RHEB: variants seen among roughly 807,000 people sequenced by gnomAD.
RHEB encodes the protein GTP-binding protein Rheb.
Under a neutral mutation model 28.8 loss-of-function variants are expected in RHEB, and 2 were observed. The ratio of observed to expected loss-of-function variants is 0.07; its 90% CI spans 0.03 to 0.22. The LOEUF (loss-of-function observed/expected upper bound fraction) is 0.22, where lower values mean the gene tolerates loss of function less well. RHEB is among the 10% of genes least tolerant of loss of function. RHEB has a pLI of 1.00. For synonymous variants in RHEB, 69 were observed against 77.3 expected, an observed-to-expected ratio of 0.89 and a Z score of 0.56; for missense variants, 76 against 219.9, an observed-to-expected ratio of 0.35 and a Z score of 4.14.
intron 6 of RHEB, 148 bp from the exon 7 acceptor site, chr7:151,470,800 G>T: frequency 1.7e-6 from 1 of 593,562 alleles, no homozygotes; most frequent in Non-Finnish European, 3.0e-6. Flanking sequence ...CATCAAGAAT[G>T]TAACACAGGA....
At position 151,490,934 on chromosome 7, in the gene RHEB, A is replaced by G. The variant is rs1203479593; in HGVS notation, c.124+9T>C. ...TCTCAGTTTTTAAGTACTTGAAAAC[A>G]ATACTTACTGTTTTCTATGGTTGGA... On this transcript the variant is annotated intron_variant, in intron 2 of 7. Coordinates refer to ENST00000262187, the MANE Select transcript of RHEB (RefSeq NM_005614.4). 3.7e-6 allele frequency: 6 copies of G among 1,602,852 alleles called. No individual in the cohort carries two copies. The African/African-American group carries it at 5.4e-5, about 14-fold the overall frequency.
intron 1 of RHEB, among the ~76,000 whole-genome samples, chr7:151,517,735 A>C (rs1214657260): frequency 2.0e-5 from 3 of 152,114 alleles, no homozygotes; most frequent in African/African-American, 7.2e-5. Flanking sequence ...TGCTCACCAA[A>C]GACTAGAGCT....
At position 151,491,017 on chromosome 7, in the gene RHEB, A is replaced by G. The variant is rs1230931196; in HGVS notation, c.53-3T>C. ...TTGAATCGTCAATGAGGATTTCCCT[A>G]TAAAAGAGAACAAGAGCTTAGTGTG... On this transcript the variant is annotated splice_polypyrimidine_tract_variant and splice_region_variant and intron_variant, in intron 1 of 7. Coordinates refer to ENST00000262187, the MANE Select transcript of RHEB (RefSeq NM_005614.4). 2 of 1,609,586 alleles carry G rather than the reference A, an allele frequency of 1.2e-6. No individual in the cohort carries two copies. Among genetic ancestry groups the G allele is most frequent in the Non-Finnish European group, 1.7e-6 (2 of 1,177,692 alleles).
chr7:151,473,491 G>A (rs910203910), intron 4 of RHEB, among the ~76,000 whole-genome samples: 2 of 152,216 alleles, frequency 1.3e-5, no homozygotes, highest in African/African-American at 4.8e-5. Context: ...AAAACTGTGA[G>A]ATCATAAATG....
At chr7:151,487,129 C>G (rs1802490818) in intron 2 of RHEB, among the ~76,000 whole-genome samples, 1 of 152,276 alleles carries the variant, frequency 6.6e-6, no homozygotes, top group East Asian at 1.9e-4. Context: ...CACAGGGAGA[C>G]CCAATCTCCA....
chr7:151,506,567 T>TA (rs1447030155), intron 1 of RHEB, among the ~76,000 whole-genome samples: 2 of 152,182 alleles, frequency 1.3e-5, no homozygotes, highest in African/African-American at 4.8e-5. Flanking sequence ...GTAATACTAT[T>TA]AGTAACTGCT....
chr7:151,507,929 G>C (rs768798553), intron 1 of RHEB, among the ~76,000 whole-genome samples: 3 of 152,038 alleles, frequency 2.0e-5, no homozygotes, highest in Non-Finnish European at 4.4e-5. Flanking sequence ...GAAAAATAAA[G>C]TGCTACCCAG....
intron 1 of RHEB, among the ~76,000 whole-genome samples, chr7:151,509,186 T>A (rs908566982): frequency 1.2e-4 from 18 of 152,152 alleles, no homozygotes; most frequent in Non-Finnish European, 2.4e-4. Flanking sequence ...CATTTGTCTC[T>A]GGGGCAACAA....
chr7:151,497,724 C>T (rs138404711), intron 1 of RHEB, among the ~76,000 whole-genome samples: 88 of 152,308 alleles, frequency 5.8e-4, no homozygotes, highest in African/African-American at 1.9e-3. Flanking sequence ...CTGCCTTACA[C>T]GGTCTGACGT....
chr7:151,470,373 G>T, intron 7 of RHEB, 198 bp downstream of exon 7: 1 of 413,012 alleles, frequency 2.4e-6, no homozygotes, highest in Non-Finnish European at 4.4e-6. Context: ...AGGTTCCACT[G>T]TAAGTAGAAT....
At chr7:151,503,772 A>T (rs1434026950) in intron 1 of RHEB, among the ~76,000 whole-genome samples, 1 of 127,280 alleles carries the variant, frequency 7.9e-6, no homozygotes, top group African/African-American at 2.5e-5. Context: ...TGAAAAAAAA[A>T]AAAATTTTTT....
chr7:151,510,401 G>A (rs1802961055), intron 1 of RHEB, among the ~76,000 whole-genome samples: 1 of 152,186 alleles, frequency 6.6e-6, no homozygotes, highest in Admixed American at 6.5e-5. Context: ...TAAACTTTTT[G>A]TACTTCAGTT....
In RHEB at chr7:151,471,531, T is replaced by C. The variant is rs779070323; in HGVS notation, c.332+18A>G. 2.3e-5 allele frequency: 37 copies of C among 1,592,184 alleles called. No homozygotes were observed. In the Admixed American group the frequency reaches 5.9e-4, roughly 26 times the overall value. On this transcript the variant is annotated intron_variant, in intron 5 of 7. Coordinates refer to ENST00000262187, the MANE Select transcript of RHEB (RefSeq NM_005614.4). ...AAAAGAAGTTTCTCTAACAAGCAGA[T>C]AAAATGGTACTACTTACTGTACTTT...
chr7:151,494,326 T>C (rs559602391), intron 1 of RHEB, among the ~76,000 whole-genome samples: 13 of 152,228 alleles, frequency 8.5e-5, no homozygotes, highest in Non-Finnish European at 4.4e-5. Flanking sequence ...CAACCTGACT[T>C]GCGGGAGTGA....
intron 1 of RHEB, among the ~76,000 whole-genome samples, chr7:151,494,465 G>A (rs1802641234): frequency 6.6e-6 from 1 of 152,194 alleles, no homozygotes; most frequent in Non-Finnish European, 1.5e-5. Flanking sequence ...TGAGAGAAGA[G>A]CTCCTTATTT....
At position 151,519,755 on chromosome 7, in the gene RHEB, G is replaced by T. The variant is rs1030095593; in HGVS notation, c.-244C>A. On this transcript the variant is annotated 5_prime_UTR_variant, in exon 1 of 8. Coordinates refer to ENST00000262187, the MANE Select transcript of RHEB (RefSeq NM_005614.4). ...GCCGGCGTCAGCACCGCCCCTCTTC[G>T]CGCCGTGGCCCGCCGCCTCCGCCCC... The T allele has an allele frequency of 3.0e-6, 1 of 336,868 alleles. No individual in the cohort carries two copies. The highest frequency in any genetic ancestry group is 5.4e-6 in the Non-Finnish European group (1 of 186,514). 20.9% of individuals were successfully genotyped at this position (336,868 alleles called of 1,614,324 possible). A position where few individuals can be genotyped will look rare whatever the true frequency, so the allele number is the denominator to read the frequency against.
rs181989171 is a variant in RHEB at position 151,499,142 on chromosome 7, G to A, written c.53-8128C>T. Among the ~76,000 whole-genome samples the A allele has an allele frequency of 2.6e-5, 4 of 152,246 alleles. No individual in the cohort carries two copies. In the East Asian group the frequency reaches 7.7e-4, roughly 29 times the overall value. On this transcript the variant is annotated intron_variant, in intron 1 of 7. Coordinates refer to ENST00000262187, the MANE Select transcript of RHEB (RefSeq NM_005614.4). ...AGCACTTTGGGAGGCCAAGGCGGGT[G>A]GACTGACTGAGCTCAGGAGCTTGAG...
intron 1 of RHEB, among the ~76,000 whole-genome samples, chr7:151,496,872 C>G (rs1386673371): frequency 1.3e-5 from 2 of 151,998 alleles, no homozygotes; most frequent in Non-Finnish European, 2.9e-5. Context: ...CTCCGCCTCC[C>G]AGGTTCACAC....
In RHEB at chr7:151,504,319, G is replaced by A. The variant is rs894284333; in HGVS notation, c.53-13305C>T. Among the ~76,000 whole-genome samples, 9 of 152,120 alleles carry A rather than the reference G, an allele frequency of 5.9e-5. No individual in the cohort carries two copies. In the South Asian group the frequency reaches 6.2e-4, roughly 11 times the overall value. ...AATAAAACATGCAATTTAAGTGGGG[G>A]GAAAAAATCCACCCAAAGGGATACA... On this transcript the variant is annotated intron_variant, in intron 1 of 7. Transcript: ENST00000262187.
Sources: allele counts gnomAD v4.1 joint callset (sites outside exome capture counted in the v4.1 genomes callset), GRCh38; gene constraint gnomAD v4.1.1; transcripts MANE v1.5; gene names NCBI Gene and HGNC (gene_info 2026-07-23, HGNC 2026-07-21).